Variants in TMEM132D observed in about 807,000 individuals in gnomAD.
The protein encoded by TMEM132D is transmembrane protein 132D, also known as mature OL transmembrane protein.
TMEM132D carries 21 observed loss-of-function variants against 62.3 expected under a neutral mutation model. The ratio of observed to expected loss-of-function variants is 0.34; its 90% CI spans 0.24 to 0.49. The LOEUF is 0.49. TMEM132D is among the 20% of genes least tolerant of loss of function. The pLI is 0.99. For missense variants in TMEM132D, 1,346 were observed against 1,402.8 expected (o/e 0.96, Z 0.65); for synonymous variants, 621 against 575.6 (o/e 1.08, Z -1.13).
At chr12:129,486,124 A>G (rs1874571322) in intron 3 of TMEM132D, among the ~76,000 whole-genome samples, 1 of 152,166 alleles carries the variant, frequency 6.6e-6, no homozygotes, top group African/African-American at 2.4e-5. Flanking sequence ...TGGAAGACTG[A>G]TCGGTGTCGG....
chr12:129,215,007 T>C (rs1385263973), intron 4 of TMEM132D, among the ~76,000 whole-genome samples: 1 of 152,282 alleles, frequency 6.6e-6, no homozygotes, highest in East Asian at 1.9e-4. Flanking sequence ...GACACAGGCA[T>C]GTGCATGTAT....
At chr12:129,377,662 C>G (rs1405512668) in intron 3 of TMEM132D, among the ~76,000 whole-genome samples, 1 of 152,140 alleles carries the variant, frequency 6.6e-6, no homozygotes, top group East Asian at 1.9e-4. Context: ...GTGTATCTCT[C>G]CAGGAACCAG....
At chr12:129,878,207 A>T (rs1379667494) in intron 1 of TMEM132D, among the ~76,000 whole-genome samples, 1 of 152,174 alleles carries the variant, frequency 6.6e-6, no homozygotes, top group Non-Finnish European at 1.5e-5. Flanking sequence ...CTATTGAAGG[A>T]CCTACCTTAA....
chr12:129,716,304 A>G (rs1868571326), intron 1 of TMEM132D, among the ~76,000 whole-genome samples: 2 of 152,180 alleles, frequency 1.3e-5, no homozygotes, highest in South Asian at 4.1e-4. Context: ...AGATCTGCTC[A>G]GGCACATGCT....
intron 4 of TMEM132D, among the ~76,000 whole-genome samples, chr12:129,252,466 A>C (rs1302738855): frequency 6.6e-6 from 1 of 152,202 alleles, no homozygotes. Context: ...CTGGTGGTGA[A>C]GCCAGGAAGA....
chr12:129,796,756 C>A, intron 1 of TMEM132D, among the ~76,000 whole-genome samples: 1 of 152,124 alleles, frequency 6.6e-6, no homozygotes, highest in East Asian at 1.9e-4. Flanking sequence ...GGAGGGGTAG[C>A]ATTAGGAGAA....
At chr12:129,866,431 C>T (rs1214919903) in intron 1 of TMEM132D, among the ~76,000 whole-genome samples, 4 of 101,080 alleles carry the variant, frequency 4.0e-5, no homozygotes, top group African/African-American at 1.6e-4. Flanking sequence ...CATCACACAC[C>T]GGGGCCTGTT....
At chr12:129,299,023 G>A (rs570991118) in intron 4 of TMEM132D, among the ~76,000 whole-genome samples, 2 of 152,074 alleles carry the variant, frequency 1.3e-5, no homozygotes, top group Non-Finnish European at 2.9e-5. Flanking sequence ...TCATAAAACC[G>A]ACTTCACTGC....
rs749346170 is a variant in TMEM132D, at chr12:129,699,848, G to A, written c.930C>T (p.Ser310=). 6.2e-7 allele frequency: 1 copy of A among 1,614,124 alleles called. No homozygotes were observed. The highest frequency in any genetic ancestry group is 8.5e-7 in the Non-Finnish European group (1 of 1,180,024). Residue 310 remains serine (S), a synonymous_variant, in exon 2 of 9, where the codon TCC becomes TCT. Transcript: ENST00000422113. The stretch of plus-strand genomic sequence containing the variant: ...GATCTTCAGTGGAATTTCTGGAGAT[G>A]GAAACAGGAAAAGTCAGCACGTCTC... The part of the protein sequence containing the change: ...RKGDVLTFPV[S]ISRNSTEDRF...
chr12:129,789,749 A>G (rs1040678758), intron 1 of TMEM132D, among the ~76,000 whole-genome samples: 1 of 152,204 alleles, frequency 6.6e-6, no homozygotes, highest in African/African-American at 2.4e-5. Flanking sequence ...ATTGGGACAC[A>G]TTGAGAAGAA....
At chr12:129,705,489 T>C (rs1045488465) in intron 1 of TMEM132D, among the ~76,000 whole-genome samples, 11 of 152,186 alleles carry the variant, frequency 7.2e-5, no homozygotes, top group African/African-American at 2.4e-4. Context: ...AAAATAATGA[T>C]AAATATTCAC....
chr12:129,574,936 C>T (rs1250202215), intron 2 of TMEM132D, among the ~76,000 whole-genome samples: 1 of 151,682 alleles, frequency 6.6e-6, no homozygotes, highest in Non-Finnish European at 1.5e-5. Context: ...TGCAGATGCC[C>T]GAAACTCCAC....
At chr12:129,193,950 G>A (rs913269717) in intron 5 of TMEM132D, among the ~76,000 whole-genome samples, 2 of 152,172 alleles carry the variant, frequency 1.3e-5, no homozygotes, top group African/African-American at 2.4e-5. Flanking sequence ...TTTCTTGAAC[G>A]TCTCTTAAAC....
intron 3 of TMEM132D, among the ~76,000 whole-genome samples, chr12:129,468,159 A>G (rs1873973737): frequency 6.6e-6 from 1 of 150,512 alleles, no homozygotes; most frequent in African/African-American, 2.5e-5. Context: ...TTCAAGGGCT[A>G]TCATTACTGT....
At chr12:129,156,267 C>A (rs1221853227) in intron 5 of TMEM132D, among the ~76,000 whole-genome samples, 1 of 151,244 alleles carries the variant, frequency 6.6e-6, no homozygotes, top group Non-Finnish European at 1.5e-5. Flanking sequence ...CCATGATAAC[C>A]CTCTCCTGAA....
At chr12:129,821,901 C>G (rs770488897) in intron 1 of TMEM132D, among the ~76,000 whole-genome samples, 12 of 152,154 alleles carry the variant, frequency 7.9e-5, no homozygotes, top group Non-Finnish European at 1.3e-4. Flanking sequence ...GAGTGCTGCT[C>G]TTAAGTGGCC....
At chr12:129,409,144 G>A (rs1215064730) in intron 3 of TMEM132D, among the ~76,000 whole-genome samples, 1 of 152,096 alleles carries the variant, frequency 6.6e-6, no homozygotes, top group East Asian at 1.9e-4. Flanking sequence ...TGTTGGCCAG[G>A]CTGGGCTTGA....
intron 3 of TMEM132D, among the ~76,000 whole-genome samples, chr12:129,424,195 T>C (rs1017899613): frequency 3.5e-5 from 3 of 84,612 alleles, no homozygotes; most frequent in African/African-American, 1.3e-4. Flanking sequence ...ATCTGTAAAT[T>C]TTTTTGTAAA....
At chr12:129,737,560 C>G (rs1429653127) in intron 1 of TMEM132D, among the ~76,000 whole-genome samples, 1 of 152,130 alleles carries the variant, frequency 6.6e-6, no homozygotes, top group Non-Finnish European at 1.5e-5. Flanking sequence ...ACCGTCCACA[C>G]CATTCCCTAT....
Sources: allele counts gnomAD v4.1 joint callset (sites outside exome capture counted in the v4.1 genomes callset), GRCh38; gene constraint gnomAD v4.1.1; transcripts MANE v1.5; gene names NCBI Gene and HGNC (gene_info 2026-07-23, HGNC 2026-07-21).